Variants in UNC80 observed in about 807,000 individuals in gnomAD.
UNC80 encodes unc-80 subunit of NALCN channel complex.
Under a neutral mutation model 384.6 loss-of-function variants are expected in UNC80, and 164 were observed. That is an observed-to-expected ratio of 0.43 (90% confidence interval 0.38 to 0.49). UNC80 has a LOEUF of 0.49. Among genes scored for constraint, UNC80 ranks in the 20% least tolerant of loss-of-function variants. The pLI is 0.00. For synonymous variants in UNC80, 1,486 were observed against 1,527.8 expected, an observed-to-expected ratio of 0.97 and a Z score of 0.64; for missense variants, 3,330 against 4,143.0, an observed-to-expected ratio of 0.80 and a Z score of 5.39.
At chr2:209,794,433 G>A (rs1308945166) in intron 7 of UNC80, among the ~76,000 whole-genome samples, 11 of 152,150 alleles carry the variant, frequency 7.2e-5, no homozygotes, top group Admixed American at 5.2e-4. Flanking sequence ...AAGAGCTCCT[G>A]AGACTATCTG....
At position 209,786,123 on chromosome 2, in the gene UNC80, G is replaced by GA. The variant is rs769007470; in HGVS notation, c.660dup (p.His221ThrfsTer23). 3.7e-6 allele frequency: 6 copies of GA among 1,614,044 alleles called. No individual in the cohort carries two copies. Among genetic ancestry groups the GA allele is most frequent in the Non-Finnish European group, 4.2e-6 (5 of 1,179,960 alleles). ...GCTTGTTATATGGCAGCCCATGTGG[G>GA]AACACAGACAGCCCGGAGTCTCTGG... On this transcript the variant is annotated frameshift_variant, in exon 5 of 65. Coordinates refer to ENST00000673920, the MANE Select transcript of UNC80 (RefSeq NM_001371986.1). LOFTEE classifies it high-confidence loss of function.
At chr2:209,850,571 G>T (rs2124840409) in intron 22 of UNC80, among the ~76,000 whole-genome samples, 1 of 152,190 alleles carries the variant, frequency 6.6e-6, no homozygotes, top group South Asian at 2.1e-4. Context: ...TTGCTCTAAG[G>T]ATATTTAGTG....
chr2:209,791,092 T>G (rs2077767152), intron 6 of UNC80, among the ~76,000 whole-genome samples: 1 of 152,230 alleles, frequency 6.6e-6, no homozygotes, highest in South Asian at 2.1e-4. Flanking sequence ...AGATGTTTTC[T>G]TTATTGTTTA....
intron 47 of UNC80, among the ~76,000 whole-genome samples, chr2:209,951,161 C>T (rs985688434): frequency 6.8e-6 from 1 of 147,856 alleles, no homozygotes; most frequent in Non-Finnish European, 1.5e-5. Flanking sequence ...CAGAGCAAGA[C>T]CTGTCTCAAA....
chr2:209,911,279 G>A (rs1041903878), intron 29 of UNC80, among the ~76,000 whole-genome samples: 1 of 152,080 alleles, frequency 6.6e-6, no homozygotes, highest in Non-Finnish European at 1.5e-5. Context: ...TATGATTTTA[G>A]AACAGTCTTC....
intron 13 of UNC80, among the ~76,000 whole-genome samples, chr2:209,820,893 A>ATAGATG (rs1471665795): frequency 6.6e-6 from 1 of 152,196 alleles, no homozygotes; most frequent in Non-Finnish European, 1.5e-5. Flanking sequence ...TTGCCATCCA[A>ATAGATG]GCAGTGTTAG....
At chr2:209,870,690 G>A (rs1482454186) in intron 22 of UNC80, among the ~76,000 whole-genome samples, 1 of 152,102 alleles carries the variant, frequency 6.6e-6, no homozygotes, top group Non-Finnish European at 1.5e-5. Flanking sequence ...TATTTTCATT[G>A]TAATTTTTGA....
chr2:209,982,051 A>T (rs1459768332), intron 59 of UNC80, 128 bp from the exon 60 acceptor site: 5 of 861,304 alleles, frequency 5.8e-6, no homozygotes, highest in Non-Finnish European at 8.3e-6. Flanking sequence ...GGGACCAATG[A>T]TAATTTAGAT....
At position 209,998,089 on chromosome 2, in the gene UNC80, T is replaced by G. The variant is rs1172833757; in HGVS notation, c.*2494T>G. ...TAGATCATTTCTTAAGCCATGATAC[T>G]TAATGATATTTATCTTATTCAGAGG... is the stretch of plus-strand genomic sequence containing the variant. On this transcript the variant is annotated 3_prime_UTR_variant, in exon 65 of 65. Coordinates refer to ENST00000673920, the MANE Select transcript of UNC80 (RefSeq NM_001371986.1). 6.6e-6 allele frequency: 1 copy of G among 152,212 alleles called. No homozygotes were observed. The highest frequency in any genetic ancestry group is 1.5e-5 in the Non-Finnish European group (1 of 68,034). The allele number at this position is 152,212 out of a possible 1,614,324, so 9.4% of individuals were successfully genotyped here.
chr2:209,970,540 C>A (rs2092855022), intron 53 of UNC80, among the ~76,000 whole-genome samples: 1 of 152,178 alleles, frequency 6.6e-6, no homozygotes, highest in Non-Finnish European at 1.5e-5. Context: ...CCTTTGAATT[C>A]ACAACTAAGT....
chr2:209,809,504 C>T, intron 7 of UNC80: 2 of 1,189,180 alleles, frequency 1.7e-6, no homozygotes, highest in East Asian at 2.3e-5. Flanking sequence ...CAGTGCCAGG[C>T]GTGCGCTCGA....
intron 22 of UNC80, among the ~76,000 whole-genome samples, chr2:209,855,188 T>C (rs1000818764): frequency 2.3e-4 from 35 of 152,164 alleles, no homozygotes; most frequent in African/African-American, 7.9e-4. Flanking sequence ...AGCAAACTAA[T>C]GCAGGAACAG....
intron 33 of UNC80, among the ~76,000 whole-genome samples, chr2:209,920,185 T>C (rs1041980268): frequency 1.3e-5 from 2 of 151,782 alleles, no homozygotes; most frequent in African/African-American, 4.8e-5. Flanking sequence ...GAAAAAAAAA[T>C]GCTCTTAATT....
intron 38 of UNC80, 53 bp downstream of exon 38, chr2:209,931,107 T>C: frequency 1.5e-6 from 2 of 1,327,216 alleles, no homozygotes; most frequent in Non-Finnish European, 2.1e-6. Context: ...GATGAAAAGG[T>C]CTTAGAAGAT....
chr2:209,940,445 C>T (rs77233969), intron 43 of UNC80, among the ~76,000 whole-genome samples: 3,551 of 152,238 alleles, frequency 0.023, 133 homozygotes, highest in African/African-American at 0.08. Flanking sequence ...TTTGGAGCCT[C>T]GCTCTGTTAC....
chr2:209,885,203 G>T (rs2085672835), intron 25 of UNC80, among the ~76,000 whole-genome samples: 1 of 152,140 alleles, frequency 6.6e-6, no homozygotes, highest in Admixed American at 6.5e-5. Context: ...GTATGAGCAA[G>T]GTGGTGTGAT....
chr2:209,904,972 A>C lies in UNC80; in HGVS notation c.4782+7A>C, dbSNP rs957416683. The C allele has an allele frequency of 2.6e-6, 4 of 1,551,434 alleles. No individual in the cohort carries two copies. Among genetic ancestry groups the C allele is most frequent in the Non-Finnish European group, 3.5e-6 (4 of 1,146,758 alleles). On this transcript the variant is annotated splice_region_variant and intron_variant, in intron 29 of 64. Transcript: ENST00000673920. The stretch of plus-strand genomic sequence containing the variant: ...GGGCAAGAAACAGAAAGAAGTAAGT[A>C]AATGACCATTGAATGATATTCTAAT...
intron 7 of UNC80, among the ~76,000 whole-genome samples, chr2:209,805,778 A>G (rs993549625): frequency 1.3e-5 from 2 of 152,088 alleles, no homozygotes; most frequent in African/African-American, 4.8e-5. Context: ...ATCTTTTACA[A>G]CCTAATCTCT....
At chr2:209,923,070 A>G (rs1374105818) in intron 35 of UNC80, among the ~76,000 whole-genome samples, 1 of 152,218 alleles carries the variant, frequency 6.6e-6, no homozygotes, top group African/African-American at 2.4e-5. Context: ...TGATTTGCAA[A>G]TATTTTCTCC....
Sources: gnomAD v4.1 joint callset for allele counts (sites outside exome capture counted in the v4.1 genomes callset) on GRCh38, gnomAD v4.1.1 for gene constraint, MANE v1.5 for transcripts, NCBI Gene and HGNC (gene_info 2026-07-23, HGNC 2026-07-21) for gene names.